NKAIN2: variants seen among roughly 807,000 people sequenced by gnomAD.
The protein encoded by NKAIN2 is sodium/potassium transporting ATPase interacting 2.
NKAIN2 carries 14 observed loss-of-function variants against 32.6 expected under a neutral mutation model. That is an observed-to-expected ratio of 0.43 (90% CI 0.28 to 0.67). NKAIN2 has a LOEUF of 0.67. Among genes scored for constraint, NKAIN2 ranks in the 30% least tolerant of loss-of-function variants. The pLI, the probability that NKAIN2 is intolerant of heterozygous loss-of-function variation, is 0.17. For missense variants in NKAIN2, 198 were observed against 258.3 expected (o/e 0.77, Z 1.60); for synonymous variants, 80 against 87.2 (o/e 0.92, Z 0.46).
intron 3 of NKAIN2, among the ~76,000 whole-genome samples, chr6:124,453,988 T>A (rs1776220739): frequency 6.6e-6 from 1 of 152,054 alleles, no homozygotes; most frequent in Admixed American, 6.6e-5. Context: ...TGATCAAAGT[T>A]ATTCAGTAAA....
chr6:124,157,250 G>GACACACACACAC (rs772415964), intron 1 of NKAIN2, among the ~76,000 whole-genome samples: 2 of 109,834 alleles, frequency 1.8e-5, no homozygotes, highest in African/African-American at 6.1e-5. Context: ...TGTCATAATG[G>GACACACACACAC]ACACACACAC....
intron 3 of NKAIN2, among the ~76,000 whole-genome samples, chr6:124,371,083 A>G (rs144978738): frequency 6.6e-6 from 1 of 151,952 alleles, no homozygotes; most frequent in Non-Finnish European, 1.5e-5. Context: ...TTCCTTCTCA[A>G]TGAAAAATAA....
intron 1 of NKAIN2, among the ~76,000 whole-genome samples, chr6:123,864,714 C>T (rs763029501): frequency 4.6e-5 from 7 of 152,074 alleles, no homozygotes; most frequent in Non-Finnish European, 8.8e-5. Flanking sequence ...TAGAAGTGAG[C>T]TTGGCTAAGT....
At chr6:124,708,305 G>A (rs1775215048) in intron 4 of NKAIN2, among the ~76,000 whole-genome samples, 2 of 151,634 alleles carry the variant, frequency 1.3e-5, no homozygotes, top group Admixed American at 6.6e-5. Flanking sequence ...TTTTGGCTTA[G>A]GATTGCCTTG....
At chr6:123,955,196 C>CAAAAAAAAAAAAAAAAAAA (rs5879708) in intron 1 of NKAIN2, among the ~76,000 whole-genome samples, 2 of 105,016 alleles carry the variant, frequency 1.9e-5, no homozygotes, top group African/African-American at 3.2e-5. Context: ...ACAGAAAAAC[C>CAAAAAAAAAAAAAAAAAAA]AAAAAAAAAA....
chr6:123,856,418 A>G (rs1775556364), intron 1 of NKAIN2, among the ~76,000 whole-genome samples: 1 of 152,226 alleles, frequency 6.6e-6, no homozygotes, highest in South Asian at 2.1e-4. Flanking sequence ...ACAGTAGTTA[A>G]TAAAATGGCT....
chr6:123,914,673 C>G (rs1187018639), intron 1 of NKAIN2, among the ~76,000 whole-genome samples: 3 of 152,134 alleles, frequency 2.0e-5, no homozygotes, highest in Admixed American at 2.0e-4. Flanking sequence ...GGCTAGGATT[C>G]ATACCCCGGC....
chr6:124,105,033 A>G (rs1785052496), intron 1 of NKAIN2, among the ~76,000 whole-genome samples: 1 of 152,198 alleles, frequency 6.6e-6, no homozygotes, highest in African/African-American at 2.4e-5. Context: ...GTTGTGAGGT[A>G]CTGTGAAAAA....
intron 1 of NKAIN2, among the ~76,000 whole-genome samples, chr6:124,265,060 T>C (rs926302188): frequency 2.6e-5 from 4 of 152,146 alleles, no homozygotes; most frequent in Admixed American, 1.3e-4. Context: ...GCTATATACG[T>C]GGATGTACAC....
At chr6:124,029,244 G>A (rs1019214567) in intron 1 of NKAIN2, among the ~76,000 whole-genome samples, 1 of 151,788 alleles carries the variant, frequency 6.6e-6, no homozygotes, top group Non-Finnish European at 1.5e-5. Flanking sequence ...TTTGCATCCT[G>A]TTTATTTCTT....
intron 3 of NKAIN2, among the ~76,000 whole-genome samples, chr6:124,575,727 C>T (rs1039181019): frequency 2.6e-5 from 4 of 152,036 alleles, no homozygotes; most frequent in Admixed American, 2.0e-4. Flanking sequence ...TTTTCATGGA[C>T]TCAAGAAATG....
intron 1 of NKAIN2, among the ~76,000 whole-genome samples, chr6:123,886,176 C>G (rs573965063): frequency 1.3e-5 from 2 of 152,144 alleles, no homozygotes; most frequent in South Asian, 2.1e-4. Flanking sequence ...TACACACAAC[C>G]TTTCAAGTTG....
intron 1 of NKAIN2, among the ~76,000 whole-genome samples, chr6:124,243,785 T>C (rs1366666438): frequency 6.6e-6 from 1 of 152,180 alleles, no homozygotes; most frequent in Admixed American, 6.6e-5. Flanking sequence ...AATTTGACTG[T>C]CACTACTTTT....
chr6:124,136,934 C>T (rs1306860896), intron 1 of NKAIN2, among the ~76,000 whole-genome samples: 1 of 151,934 alleles, frequency 6.6e-6, no homozygotes, highest in East Asian at 1.9e-4. Flanking sequence ...AAAGTATTCC[C>T]CCCTGAGAAT....
intron 4 of NKAIN2, among the ~76,000 whole-genome samples, chr6:124,780,323 A>G (rs1466307156): frequency 1.3e-5 from 2 of 152,186 alleles, no homozygotes; most frequent in Non-Finnish European, 2.9e-5. Context: ...AAGTTGTGCA[A>G]TATAGGTATT....
intron 3 of NKAIN2, among the ~76,000 whole-genome samples, chr6:124,482,536 A>C (rs1298823363): frequency 2.6e-5 from 4 of 152,174 alleles, no homozygotes; most frequent in African/African-American, 9.7e-5. Context: ...TTGCTTTCTT[A>C]CGGGCGAAAT....
intron 1 of NKAIN2, among the ~76,000 whole-genome samples, chr6:124,143,126 A>G (rs1343444269): frequency 3.3e-5 from 5 of 152,166 alleles, no homozygotes; most frequent in Admixed American, 2.0e-4. Flanking sequence ...TTTAAACACA[A>G]ACATATGTTT....
chr6:124,482,207 C>A (rs1246867358), intron 3 of NKAIN2, among the ~76,000 whole-genome samples: 1 of 152,074 alleles, frequency 6.6e-6, no homozygotes, highest in Non-Finnish European at 1.5e-5. Flanking sequence ...ATAGAGACTC[C>A]TGAGAAGACT....
At chr6:124,700,584 A>AATG (rs1401047218) in intron 4 of NKAIN2, among the ~76,000 whole-genome samples, 1 of 152,144 alleles carries the variant, frequency 6.6e-6, no homozygotes, top group East Asian at 1.9e-4. Context: ...ATTAAAGATA[A>AATG]ATGATAGAAG....
Sources: allele counts gnomAD v4.1 joint callset (sites outside exome capture counted in the v4.1 genomes callset), GRCh38; gene constraint gnomAD v4.1.1; transcripts MANE v1.5; gene names NCBI Gene and HGNC (gene_info 2026-07-23, HGNC 2026-07-21).